The following SPNS2 variants were observed in gnomAD, a reference collection of about 807,000 sequenced individuals.
SPNS2 encodes the protein sphingosine-1-phosphate transporter SPNS2.
In SPNS2, 37 loss-of-function variants were observed where a neutral mutation model predicts 57.6. That is an observed-to-expected ratio of 0.64 (90% CI 0.49 to 0.85). The LOEUF (loss-of-function observed/expected upper bound fraction) is 0.85. Among genes scored for constraint, SPNS2 ranks in the 40% least tolerant of loss-of-function variants. The pLI is 0.00. For missense variants in SPNS2, 831 were observed against 779.1 expected (o/e 1.07, Z -0.79); for synonymous variants, 440 against 346.9 (o/e 1.27, Z -2.98).
chr17:4,535,013 G>GC (rs955271346), intron 9 of SPNS2, among the ~76,000 whole-genome samples: 10 of 152,096 alleles, frequency 6.6e-5, no homozygotes, highest in Non-Finnish European at 1.2e-4. Context: ...TTTTCCACCC[G>GC]CCCCCCACCT....
chr17:4,513,138 C>T (rs544676292), intron 1 of SPNS2, 109 bp from the exon 2 acceptor site: 28 of 1,238,376 alleles, frequency 2.3e-5, no homozygotes, highest in East Asian at 9.4e-5. Context: ...GCAGGAGTGC[C>T]GCAGATATGG....
chr17:4,517,652 G>A (rs1429536606), intron 2 of SPNS2, among the ~76,000 whole-genome samples: 3 of 151,486 alleles, frequency 2.0e-5, no homozygotes, highest in Non-Finnish European at 2.9e-5. Context: ...CCAAGACTCC[G>A]TCTCAAAAAA....
At chr17:4,508,930 T>C (rs1904754255) in intron 1 of SPNS2, among the ~76,000 whole-genome samples, 1 of 152,030 alleles carries the variant, frequency 6.6e-6, no homozygotes, top group Non-Finnish European at 1.5e-5. Context: ...TAGAACTCAG[T>C]AGGAGATTCG....
chr17:4,515,119 G>C (rs1429238401), intron 2 of SPNS2, among the ~76,000 whole-genome samples: 1 of 152,178 alleles, frequency 6.6e-6, no homozygotes, highest in African/African-American at 2.4e-5. Flanking sequence ...GCTCAAGGCA[G>C]GTGTGAGGGT....
chr17:4,532,625 C>A lies in SPNS2; in HGVS notation c.876C>A (p.Leu292=). The A allele has an allele frequency of 5.0e-6, 8 of 1,614,046 alleles. No homozygotes were observed. The highest frequency in any genetic ancestry group is 6.8e-6 in the Non-Finnish European group (8 of 1,180,004). Residue 292 remains leucine, a synonymous_variant, in exon 6 of 13, where the codon CTC becomes CTA. Coordinates refer to ENST00000329078, the MANE Select transcript of SPNS2 (RefSeq NM_001124758.3). The part of the protein sequence containing the change: ...PATKRGHADQ[L]GDQLKARTSW... ...CTAAAAGGGGTCATGCCGACCAGCTCGGGGACCAGCTCAAGGCCCGGACCT... is the reference window on the plus strand; with the variant it reads ...CTAAAAGGGGTCATGCCGACCAGCTAGGGGACCAGCTCAAGGCCCGGACCT...
At chr17:4,504,650 G>A (rs983146685) in intron 1 of SPNS2, among the ~76,000 whole-genome samples, 6 of 152,164 alleles carry the variant, frequency 3.9e-5, no homozygotes, top group African/African-American at 1.4e-4. Context: ...TGCCTGTGGG[G>A]GCCTGAAATC....
chr17:4,518,429 A>G (rs753122773), intron 2 of SPNS2, among the ~76,000 whole-genome samples: 1 of 152,238 alleles, frequency 6.6e-6, no homozygotes, highest in Non-Finnish European at 1.5e-5. Context: ...AGACTGAGGC[A>G]GGGGAATGGC....
intron 5 of SPNS2, among the ~76,000 whole-genome samples, chr17:4,531,537 G>A (rs890003961): frequency 4.6e-5 from 7 of 152,176 alleles, no homozygotes; most frequent in Admixed American, 1.3e-4. Context: ...TTCCGGTCTC[G>A]CTGGGTTTGG....
rs1030514490 is a variant in SPNS2 at position 4,531,564 on chromosome 17, C to T, written c.792+445C>T. 2.6e-5 allele frequency among the ~76,000 whole-genome samples: 4 copies of T among 152,086 alleles called. 1 individual carries two copies. The highest frequency in any genetic ancestry group is 9.7e-5 in the African/African-American group (4 of 41,412). ...TGGGTTTGGGGCAAGTTACCAAGGC[C>T]CCAGGACAGCGCAATCGGAGGAAAC... On this transcript the variant is annotated intron_variant, in intron 5 of 12. Coordinates refer to ENST00000329078, the MANE Select transcript of SPNS2 (RefSeq NM_001124758.3).
intron 2 of SPNS2, among the ~76,000 whole-genome samples, chr17:4,519,973 C>G (rs1163476402): frequency 1.3e-5 from 2 of 152,216 alleles, no homozygotes; most frequent in Admixed American, 1.3e-4. Context: ...TCCCTCCTGT[C>G]TGTCCTGAGC....
rs1905231844 is a variant in SPNS2 at position 4,525,120 on chromosome 17, G to A, written c.500G>A (p.Arg167Lys). Residue 167 changes from arginine (R) to lysine (K), a missense_variant, in exon 3 of 13, where the codon AGG becomes AAG. Arg to Lys is a conservative substitution (Grantham distance 26, BLOSUM62 2). Coordinates refer to ENST00000329078, the MANE Select transcript of SPNS2 (RefSeq NM_001124758.3). ...GGCTACCTGGGCGACCGCTTCAACA[G>A]GAAGGTGATTCTCAGCTGCGGCATT... ...IFGYLGDRFN[R>K]KVILSCGIFF... The A allele has an allele frequency of 1.9e-6, 3 of 1,614,118 alleles. No homozygotes were observed. The highest frequency in any genetic ancestry group is 1.3e-5 in the African/African-American group (1 of 74,936).
At chr17:4,513,934 C>T (rs1158617777) in intron 2 of SPNS2, among the ~76,000 whole-genome samples, 2 of 152,222 alleles carry the variant, frequency 1.3e-5, no homozygotes, top group Non-Finnish European at 2.9e-5. Flanking sequence ...GGCCTGAGCC[C>T]CCAGGCTGCT....
chr17:4,537,086 G>A, intron 12 of SPNS2, 140 bp downstream of exon 12: 3 of 957,666 alleles, frequency 3.1e-6, no homozygotes, highest in South Asian at 1.5e-5. Context: ...CTCTGAAGAT[G>A]TTGCCAGAAT....
At position 4,512,937 on chromosome 17, in the gene SPNS2, A is replaced by C. The variant is rs1904882406; in HGVS notation, c.371-310A>C. On this transcript the variant is annotated intron_variant, in intron 1 of 12. Transcript: ENST00000329078. This position sits in a 1 kb window ranked among gnomAD's most constrained non-coding sequence, Gnocchi z 5.2. ...TGCACTGATCCACGGCCTGGGCCGC[A>C]GGTAGGGAAGAGGCCCAAGCTGGCA... Among the ~76,000 whole-genome samples, 1 of 152,162 alleles carries C rather than the reference A, an allele frequency of 6.6e-6. No individual in the cohort carries two copies. Among genetic ancestry groups the C allele is most frequent in the Non-Finnish European group, 1.5e-5 (1 of 68,014 alleles).
intron 3 of SPNS2, among the ~76,000 whole-genome samples, chr17:4,529,519 A>G (rs1312423590): frequency 1.3e-5 from 2 of 152,098 alleles, no homozygotes; most frequent in Non-Finnish European, 2.9e-5. Context: ...CAAAAATTCA[A>G]AAATTAGCTG....
In SPNS2 at chr17:4,498,990, C is replaced by A; in HGVS notation, c.-58C>A. The A allele has an allele frequency of 1.0e-6, 1 of 965,270 alleles. No homozygotes were observed. Among genetic ancestry groups the A allele is most frequent in the South Asian group, 4.8e-5 (1 of 20,896 alleles). 59.8% of individuals were successfully genotyped at this position (965,270 alleles called of 1,614,324 possible). On this transcript the variant is annotated 5_prime_UTR_variant, in exon 1 of 13. Coordinates refer to ENST00000329078, the MANE Select transcript of SPNS2 (RefSeq NM_001124758.3). ...CTCCGCGGCGCACGCACGCGCTGAG[C>A]GGGCCCAGCCTGGGCCCCGCGCCCC...
rs1392259344 is a variant in SPNS2 at position 4,537,736 on chromosome 17, G to C, written c.*288G>C. ...CCAAGGAAGAAGACAGCCCCAAGTG[G>C]GTGTCCGGGGAGAGCCTGGCCTGCC... On this transcript the variant is annotated 3_prime_UTR_variant, in exon 13 of 13. Transcript: ENST00000329078. 4.4e-6 allele frequency: 2 copies of C among 456,552 alleles called. No homozygotes were observed. Among genetic ancestry groups the C allele is most frequent in the Non-Finnish European group, 8.8e-6 (2 of 226,884 alleles). 28.3% of individuals were successfully genotyped at this position (456,552 alleles called of 1,614,324 possible). A position where few individuals can be genotyped will look rare whatever the true frequency, so the allele number is the denominator to read the frequency against.
rs759479566 is a variant in SPNS2 at position 4,536,138 on chromosome 17, G to A, written c.1407G>A (p.Leu469=). The A allele has an allele frequency of 1.2e-6, 2 of 1,612,626 alleles. No individual in the cohort carries two copies. Among genetic ancestry groups the A allele is most frequent in the South Asian group, 1.1e-5 (1 of 91,080 alleles). Residue 469 remains leucine, a synonymous_variant, in exon 10 of 13, where the codon CTG becomes CTA. Coordinates refer to ENST00000329078, the MANE Select transcript of SPNS2 (RefSeq NM_001124758.3). The part of the protein sequence containing the change: ...AVALQSFTSH[L]LGDAGSPYLI... ...CCTTGCAGAGCTTCACCTCCCACCT[G>A]CTGGGGGACGCCGGGAGCCCCTACC...
At position 4,506,596 on chromosome 17, in the gene SPNS2, G is replaced by A. The variant is rs542597621; in HGVS notation, c.371-6651G>A. On this transcript the variant is annotated intron_variant, in intron 1 of 12. Coordinates refer to ENST00000329078, the MANE Select transcript of SPNS2 (RefSeq NM_001124758.3). ...GCCAGAGGCCCGGCAGCCCGGCCCC[G>A]CCCACTCTTGGCATAGAGACACAGC... Among the ~76,000 whole-genome samples the A allele has an allele frequency of 1.5e-4, 23 of 152,284 alleles. 1 individual carries two copies. The highest frequency in any genetic ancestry group is 3.4e-4 in the African/African-American group (14 of 41,570).
Sources: gnomAD v4.1 joint callset for allele counts (sites outside exome capture counted in the v4.1 genomes callset) on GRCh38, gnomAD v4.1.1 for gene constraint, Gnocchi (gnomAD v3.1) non-coding constraint, MANE v1.5 for transcripts, NCBI Gene and HGNC (gene_info 2026-07-23, HGNC 2026-07-21) for gene names.